FREM3: variants seen among roughly 807,000 people sequenced by gnomAD.
The protein encoded by FREM3 is FRAS1-related extracellular matrix protein 3.
In FREM3, 105 loss-of-function variants were observed where a neutral mutation model predicts 129.1. The observed-to-expected ratio is 0.81, with a 90% CI of 0.69 to 0.96. The LOEUF is 0.96. Among genes scored for constraint, FREM3 ranks in the 40% least tolerant of loss-of-function variants. The pLI, the probability that FREM3 is intolerant of heterozygous loss-of-function variation, is 0.00. For missense variants in FREM3, 2,593 were observed against 2,666.3 expected, an observed-to-expected ratio of 0.97 and a Z score of 0.61; for synonymous variants, 1,014 against 1,044.9, an observed-to-expected ratio of 0.97 and a Z score of 0.57.
intron 2 of FREM3, among the ~76,000 whole-genome samples, chr4:143,652,880 C>T (rs1391147196): frequency 2.6e-5 from 4 of 152,190 alleles, no homozygotes; most frequent in Non-Finnish European, 4.4e-5. Flanking sequence ...CCGCCTGCCT[C>T]GGCCTCCCTA....
chr4:143,597,308 G>A (rs1376417790), intron 6 of FREM3, among the ~76,000 whole-genome samples: 1 of 152,136 alleles, frequency 6.6e-6, no homozygotes, highest in South Asian at 2.1e-4. Flanking sequence ...AACAGTGGAC[G>A]TCAACGGCAA....
Position 143,619,886 on chromosome 4 carries a change from C to A in FREM3, c.5779+1151G>T, listed in dbSNP as rs549823395. 1.6e-3 allele frequency among the ~76,000 whole-genome samples: 243 copies of A among 151,800 alleles called. 3 individuals carry two copies. The highest frequency in any genetic ancestry group is 3.7e-4 in the Non-Finnish European group (25 of 67,882). On this transcript the variant is annotated intron_variant, in intron 5 of 7. Coordinates refer to ENST00000329798, the MANE Select transcript of FREM3 (RefSeq NM_001168235.2). ...GTGGGGGTATTATTTAAAAAAAAAACCAAAACATTGTTTGGGAGAGGAAGA... is the reference window on the plus strand; with the variant it reads ...GTGGGGGTATTATTTAAAAAAAAAAACAAAACATTGTTTGGGAGAGGAAGA...
intron 2 of FREM3, among the ~76,000 whole-genome samples, chr4:143,644,499 A>T (rs146380892): frequency 1.3e-5 from 2 of 152,262 alleles, no homozygotes; most frequent in African/African-American, 2.4e-5. Context: ...AATTTGTGAT[A>T]AAATCTCAAG....
At chr4:143,596,223 G>T (rs1193535819) in intron 6 of FREM3, among the ~76,000 whole-genome samples, 3 of 152,204 alleles carry the variant, frequency 2.0e-5, no homozygotes, top group Non-Finnish European at 4.4e-5. Flanking sequence ...GCAGTGAAAA[G>T]GTGTTTGGTT....
intron 7 of FREM3, among the ~76,000 whole-genome samples, chr4:143,583,252 A>T (rs1203034282): frequency 6.6e-6 from 1 of 152,202 alleles, no homozygotes; most frequent in Non-Finnish European, 1.5e-5. Context: ...CAGAATCAAA[A>T]ATAAAGAGAA....
chr4:143,685,597 G>A (rs538247267), intron 2 of FREM3, among the ~76,000 whole-genome samples: 288 of 152,052 alleles, frequency 1.9e-3, no homozygotes, highest in Non-Finnish European at 3.4e-3. Flanking sequence ...AAGTAAAAAA[G>A]CAAAAAACAA....
chr4:143,627,694 T>C lies in FREM3; in HGVS notation c.5342A>G (p.Tyr1781Cys), dbSNP rs1206618499. 1 of 1,533,172 alleles carries C rather than the reference T, an allele frequency of 6.5e-7. No individual in the cohort carries two copies. The highest frequency in any genetic ancestry group is 2.0e-5 in the Admixed American group (1 of 50,978). The allele number at this position is 1,533,172 out of a possible 1,614,324, so 95.0% of individuals were successfully genotyped here. ...NWAWICLEKE[Y>C]YIVDEDSTFL... ...TGTGGAATCTTCATCCACAATGTAG[T>C]ACTCTTTCTCCAAACAAATCCAAGC... The change falls in exon 3 of 8, where the codon TAC becomes TGC. Residue 1781 changes from tyrosine (Y) to cysteine (C), a missense_variant. Around this residue, in one of 2 missense-constraint regions of FREM3, gnomAD observed 2,276 missense variants for 2,267.2 expected, o/e 1.00. Transcript: ENST00000329798.
intron 2 of FREM3, among the ~76,000 whole-genome samples, chr4:143,633,608 TGGCATGCAGTA>T (rs1313509197): frequency 6.6e-6 from 1 of 152,166 alleles, no homozygotes; most frequent in Non-Finnish European, 1.5e-5. Flanking sequence ...GCATAACGCC[TGGCATGCAGTA>T]GGCACTCAAG....
intron 2 of FREM3, among the ~76,000 whole-genome samples, chr4:143,684,819 A>G (rs1740328466): frequency 6.6e-6 from 1 of 152,232 alleles, no homozygotes; most frequent in South Asian, 2.1e-4. Flanking sequence ...AAAACCATCA[A>G]AAATTCATGA....
chr4:143,608,541 C>G (rs1268251440), intron 6 of FREM3, among the ~76,000 whole-genome samples: 1 of 152,128 alleles, frequency 6.6e-6, no homozygotes, highest in African/African-American at 2.4e-5. Context: ...AAACATACAT[C>G]TTATTGAGGA....
At chr4:143,588,814 G>A (rs1410454248) in intron 6 of FREM3, among the ~76,000 whole-genome samples, 4 of 149,964 alleles carry the variant, frequency 2.7e-5, no homozygotes, top group Non-Finnish European at 5.9e-5. Context: ...CTGAGGAATC[G>A]CCACACTGAC....
At chr4:143,665,104 G>A (rs536177687) in intron 2 of FREM3, among the ~76,000 whole-genome samples, 62 of 152,132 alleles carry the variant, frequency 4.1e-4, no homozygotes, top group African/African-American at 1.0e-3. Context: ...ACTGTCCTGC[G>A]CCCACTGTCT....
chr4:143,675,274 C>G (rs1740094025), intron 2 of FREM3, among the ~76,000 whole-genome samples: 2 of 152,070 alleles, frequency 1.3e-5, no homozygotes, highest in Admixed American at 6.5e-5. Flanking sequence ...ACTGAACAAC[C>G]TGCTCCTGAA....
chr4:143,643,663 C>A (rs1483547531), intron 2 of FREM3, among the ~76,000 whole-genome samples: 1 of 151,516 alleles, frequency 6.6e-6, no homozygotes, highest in East Asian at 1.9e-4. Context: ...CTGGGGAGGG[C>A]AGTTGGGAGG....
chr4:143,668,842 A>T (rs912102940), intron 2 of FREM3, among the ~76,000 whole-genome samples: 1 of 152,250 alleles, frequency 6.6e-6, no homozygotes, highest in East Asian at 1.9e-4. Context: ...AACCCGAATC[A>T]TTCTCATACA....
chr4:143,629,981 G>T (rs974496230), intron 2 of FREM3, among the ~76,000 whole-genome samples: 1 of 152,086 alleles, frequency 6.6e-6, no homozygotes, highest in East Asian at 1.9e-4. Context: ...CAGTGAGAAG[G>T]GTTTAACAAT....
At chr4:143,635,109 T>C (rs754278190) in intron 2 of FREM3, among the ~76,000 whole-genome samples, 1 of 152,298 alleles carries the variant, frequency 6.6e-6, no homozygotes, top group Non-Finnish European at 1.5e-5. Flanking sequence ...TAGCTGACAC[T>C]ATGTACTTCA....
intron 7 of FREM3, among the ~76,000 whole-genome samples, chr4:143,581,244 G>T (rs776925136): frequency 3.3e-5 from 5 of 152,196 alleles, no homozygotes; most frequent in Non-Finnish European, 5.9e-5. Flanking sequence ...GAACCCTTTA[G>T]TCATTGGCGG....
In FREM3 at chr4:143,697,524, C is replaced by G. The variant is rs1448762584; in HGVS notation, c.3152G>C (p.Ser1051Thr). The change falls in exon 1 of 8, where the codon AGC becomes ACC. Residue 1051 changes from serine to threonine, a missense_variant. This residue lies in a region of FREM3 where 2,276 missense variants were observed against 2,267.2 expected (regional missense o/e 1.00). Transcript: ENST00000329798. ...TTGTACCTGTACTTTCTCTATTATG[C>G]TATTCCCCACTACCCATTGGTAAGA... The part of the protein sequence containing the change: ...KDSYQWVVGN[S>T]IIEKVQVQVT... The G allele has an allele frequency of 2.6e-6, 4 of 1,537,196 alleles. No individual in the cohort carries two copies. In the African/African-American group the frequency reaches 4.1e-5, roughly 16 times the overall value.
Sources: gnomAD v4.1 joint callset for allele counts (sites outside exome capture counted in the v4.1 genomes callset) on GRCh38, gnomAD v4.1.1 for gene constraint, gnomAD v4.1.1 regional missense constraint, MANE v1.5 for transcripts, NCBI Gene and HGNC (gene_info 2026-07-23, HGNC 2026-07-21) for gene names.